The following MAP2K5 variants were observed in gnomAD, a reference collection of about 807,000 sequenced individuals.
The protein encoded by MAP2K5 is mitogen-activated protein kinase kinase 5, also known as dual specificity mitogen-activated protein kinase kinase 5.
MAP2K5 carries 49 observed loss-of-function variants against 83.1 expected under a neutral mutation model. The observed-to-expected ratio is 0.59, with a 90% CI of 0.47 to 0.75. The LOEUF (loss-of-function observed/expected upper bound fraction) is 0.75, where lower values mean the gene tolerates loss of function less well. MAP2K5 is among the 30% of genes least tolerant of loss of function. MAP2K5 has a pLI of 0.00. For missense variants in MAP2K5, 457 were observed against 557.5 expected, an observed-to-expected ratio of 0.82 and a Z score of 1.82; for synonymous variants, 202 against 191.8, an observed-to-expected ratio of 1.05 and a Z score of -0.44.
Position 67,769,374 on chromosome 15 carries a change from C to G in MAP2K5, c.1135-228C>G, listed in dbSNP as rs570839170. 2.0e-5 allele frequency among the ~76,000 whole-genome samples: 3 copies of G among 152,248 alleles called. No homozygotes were observed. Among genetic ancestry groups the G allele is most frequent in the Admixed American group, 6.5e-5 (1 of 15,302 alleles). On this transcript the variant is annotated intron_variant, in intron 19 of 21. Coordinates refer to ENST00000178640, the MANE Select transcript of MAP2K5 (RefSeq NM_145160.3). The surrounding 1 kb of genome is among the most constrained non-coding windows in gnomAD (Gnocchi z 5.2). Reference sequence around the variant, plus strand: ...TATCATTGTCCTTTTTTCACCTCCCCCTCTCTCAGCTCTCATGTTTCTCAC... The same window carrying G: ...TATCATTGTCCTTTTTTCACCTCCCGCTCTCTCAGCTCTCATGTTTCTCAC...
Position 67,755,093 on chromosome 15 carries a change from G to A in MAP2K5, c.1134+6492G>A, listed in dbSNP as rs1266000242. 6.6e-6 allele frequency among the ~76,000 whole-genome samples: 1 copy of A among 152,136 alleles called. No individual in the cohort carries two copies. The highest frequency in any genetic ancestry group is 1.5e-5 in the Non-Finnish European group (1 of 68,012). On this transcript the variant is annotated intron_variant, in intron 19 of 21. Transcript: ENST00000178640. The surrounding 1 kb of genome is among the most constrained non-coding windows in gnomAD (Gnocchi z 4.7). ...GGGTTCATGCAATCCTCCCACCTCA[G>A]CCTCCCAAGTAACTAGGATTACAGG...
rs1596860808 is a variant in MAP2K5, at chr15:67,724,318, G to A, written c.1045-3598G>A. 6.6e-6 allele frequency among the ~76,000 whole-genome samples: 1 copy of A among 152,280 alleles called. No homozygotes were observed. The highest frequency in any genetic ancestry group is 1.5e-5 in the Non-Finnish European group (1 of 68,016). On this transcript the variant is annotated intron_variant, in intron 16 of 21. Coordinates refer to ENST00000178640, the MANE Select transcript of MAP2K5 (RefSeq NM_145160.3). The surrounding 1 kb of genome is among the most constrained non-coding windows in gnomAD (Gnocchi z 4.4). ...TGAAATATTCACTTGGAGCATATGT[G>A]CTCCTTCTTCCCCATAAGGGTCCCA...
At chr15:67,694,889 A>G (rs1265605580) in intron 15 of MAP2K5, among the ~76,000 whole-genome samples, 8 of 152,338 alleles carry the variant, frequency 5.3e-5, no homozygotes, top group South Asian at 2.1e-4. Context: ...ACAGGATTAA[A>G]AAAATGTGGC....
chr15:67,626,160 A>G (rs2086316139), intron 8 of MAP2K5, among the ~76,000 whole-genome samples: 1 of 152,202 alleles, frequency 6.6e-6, no homozygotes, highest in Non-Finnish European at 1.5e-5. Flanking sequence ...GAAAAATAAT[A>G]TATCACAAAG....
intron 16 of MAP2K5, among the ~76,000 whole-genome samples, chr15:67,725,003 G>GT (rs1346384812): frequency 6.6e-6 from 1 of 152,188 alleles, no homozygotes; most frequent in African/African-American, 2.4e-5. Context: ...CTTACAAGCA[G>GT]TCCTCCCAGG....
intron 17 of MAP2K5, among the ~76,000 whole-genome samples, chr15:67,741,700 G>A (rs1343522281): frequency 6.6e-6 from 1 of 152,058 alleles, no homozygotes; most frequent in Non-Finnish European, 1.5e-5. Flanking sequence ...AAGGGGAGAA[G>A]GATAGAGGGC....
At chr15:67,765,700 T>C (rs935880655) in intron 19 of MAP2K5, among the ~76,000 whole-genome samples, 1 of 152,174 alleles carries the variant, frequency 6.6e-6, no homozygotes, top group African/African-American at 2.4e-5. Context: ...GCAGCTGTGG[T>C]TGGAATTGGA....
intron 16 of MAP2K5, chr15:67,718,205 A>G (rs1471419828): frequency 6.6e-6 from 1 of 152,118 alleles, no homozygotes; most frequent in African/African-American, 2.4e-5. Context: ...AGCTCAATAG[A>G]CTAGACCCCA....
rs1373434910 is a variant in MAP2K5, at chr15:67,658,602, A to G, written c.786A>G (p.Arg262=). 3 of 1,611,768 alleles carry G rather than the reference A, an allele frequency of 1.9e-6. 1 individual carries two copies. The Admixed American group carries it at 5.0e-5, about 27-fold the overall frequency. The change falls in exon 12 of 22, where the codon AGA becomes AGG. Residue 262 remains arginine (R), a synonymous_variant. Coordinates refer to ENST00000178640, the MANE Select transcript of MAP2K5 (RefSeq NM_145160.3). The stretch of plus-strand genomic sequence containing the variant: ...AAATGCCAGAACATGTCCTTGGAAG[A>G]ATTGCAGTAGCAGTAAGTATATGGC... The part of the protein sequence containing the change: ...YRKMPEHVLG[R]IAVAVVKGLT...
chr15:67,597,915 ACAGT>A (rs1296456580), intron 7 of MAP2K5, among the ~76,000 whole-genome samples: 5 of 152,304 alleles, frequency 3.3e-5, no homozygotes, highest in Non-Finnish European at 2.9e-5. Context: ...ATATTAAAAC[ACAGT>A]CAGGCCGGGC....
intron 4 of MAP2K5, among the ~76,000 whole-genome samples, chr15:67,584,719 C>T (rs1299593140): frequency 1.4e-5 from 2 of 141,786 alleles, no homozygotes; most frequent in Non-Finnish European, 3.0e-5. Flanking sequence ...CGCTCTGTCG[C>T]CCAGGCTGGA....
Position 67,665,208 on chromosome 15 carries a change from G to T in MAP2K5, c.847+563G>T, listed in dbSNP as rs898855431. On this transcript the variant is annotated intron_variant, in intron 13 of 21. Transcript: ENST00000178640. This position sits in a 1 kb window ranked among gnomAD's most constrained non-coding sequence, Gnocchi z 4.2. ...AAGTAAAACTTTAAATAAGTTATTG[G>T]TGAAAGCATCAGGAATAGTCCCCTT... 1.3e-5 allele frequency among the ~76,000 whole-genome samples: 2 copies of T among 152,146 alleles called. No homozygotes were observed. The highest frequency in any genetic ancestry group is 2.9e-5 in the Non-Finnish European group (2 of 68,010).
chr15:67,746,511 C>T lies in MAP2K5; in HGVS notation c.1075-1720C>T, dbSNP rs534996253. Among the ~76,000 whole-genome samples, 1 of 151,752 alleles carries T rather than the reference C, an allele frequency of 6.6e-6. No individual in the cohort carries two copies. Among genetic ancestry groups the T allele is most frequent in the East Asian group, 1.9e-4 (1 of 5,140 alleles). On this transcript the variant is annotated intron_variant, in intron 17 of 21. Coordinates refer to ENST00000178640, the MANE Select transcript of MAP2K5 (RefSeq NM_145160.3). This position sits in a 1 kb window ranked among gnomAD's most constrained non-coding sequence, Gnocchi z 4.1. ...TATCTCATGTCATAGGAGAGGTTAT[C>T]CAGGCTTTTCAGTATTTTTTTAAAG...
chr15:67,724,494 A>G lies in MAP2K5; in HGVS notation c.1045-3422A>G, dbSNP rs992000909. 6.6e-6 allele frequency among the ~76,000 whole-genome samples: 1 copy of G among 152,128 alleles called. No individual in the cohort carries two copies. The highest frequency in any genetic ancestry group is 1.5e-5 in the Non-Finnish European group (1 of 68,020). On this transcript the variant is annotated intron_variant, in intron 16 of 21. Coordinates refer to ENST00000178640, the MANE Select transcript of MAP2K5 (RefSeq NM_145160.3). The surrounding 1 kb of genome is among the most constrained non-coding windows in gnomAD (Gnocchi z 4.4). ...CTGCAGTCTCTACCTCCCCGGGCTC[A>G]GGTGATCCTCCCACACTAGCCTCCC...
In MAP2K5 at chr15:67,586,918, G is replaced by T. The variant is rs2085303890; in HGVS notation, c.431+5G>T. On this transcript the variant is annotated splice_donor_5th_base_variant and intron_variant, in intron 6 of 21. Coordinates refer to ENST00000178640, the MANE Select transcript of MAP2K5 (RefSeq NM_145160.3). Reference sequence around the variant, plus strand: ...AGATTCACTTCCAAGCAATAGGTGCGAGCGAGCAAGTAAAGTGTGCCCTTG... The same window carrying T: ...AGATTCACTTCCAAGCAATAGGTGCTAGCGAGCAAGTAAAGTGTGCCCTTG... 5 of 1,614,046 alleles carry T rather than the reference G, an allele frequency of 3.1e-6. No homozygotes were observed. The highest frequency in any genetic ancestry group is 1.1e-5 in the South Asian group (1 of 91,072).
chr15:67,670,025 C>G (rs2087487237), intron 13 of MAP2K5, among the ~76,000 whole-genome samples: 1 of 152,080 alleles, frequency 6.6e-6, no homozygotes, highest in African/African-American at 2.4e-5. Context: ...ATAATAGCTC[C>G]AAACTGGAAA....
rs2084340828 is a variant in MAP2K5 at position 67,543,728 on chromosome 15, A to G, written c.135+258A>G. ...GCTCATGGCCCGGGCTGGGACACAC[A>G]TATAGACACAACCACGCAAATGCAA... On this transcript the variant is annotated intron_variant, in intron 1 of 21. Transcript: ENST00000178640. The surrounding 1 kb of genome is among the most constrained non-coding windows in gnomAD (Gnocchi z 4.3). Among the ~76,000 whole-genome samples, 1 of 152,188 alleles carries G rather than the reference A, an allele frequency of 6.6e-6. No homozygotes were observed. Among genetic ancestry groups the G allele is most frequent in the South Asian group, 2.1e-4 (1 of 4,832 alleles).
At chr15:67,550,613 G>A (rs2084488025) in intron 2 of MAP2K5, among the ~76,000 whole-genome samples, 1 of 152,210 alleles carries the variant, frequency 6.6e-6, no homozygotes, top group South Asian at 2.1e-4. Flanking sequence ...CTAGAAAACT[G>A]TTTTGTCATG....
Position 67,748,550 on chromosome 15 carries a change from CTCT to C in MAP2K5, c.1102-14_1102-12del, listed in dbSNP as rs749628874. ...TGCATAGAGGCTAATACTTTTTCCT[CTCT>C]TCTTTTCCATTGCAGCCTCTCCAGC... On this transcript the variant is annotated splice_polypyrimidine_tract_variant and intron_variant, in intron 18 of 21. Transcript: ENST00000178640. This position sits in a 1 kb window ranked among gnomAD's most constrained non-coding sequence, Gnocchi z 4.0. The C allele has an allele frequency of 8.1e-6, 13 of 1,612,668 alleles. No individual in the cohort carries two copies. In the African/African-American group the frequency reaches 1.2e-4, roughly 15 times the overall value.
Sources: allele counts gnomAD v4.1 joint callset (sites outside exome capture counted in the v4.1 genomes callset), GRCh38; gene constraint gnomAD v4.1.1; non-coding constraint Gnocchi (gnomAD v3.1); transcripts MANE v1.5; gene names NCBI Gene and HGNC (gene_info 2026-07-23, HGNC 2026-07-21).